The following PDSS2 variants were observed in gnomAD, a reference collection of about 807,000 sequenced individuals.
PDSS2 encodes decaprenyl diphosphate synthase subunit 2.
Under a neutral mutation model 44.5 loss-of-function variants are expected in PDSS2, and 31 were observed. That is an observed-to-expected ratio of 0.70 (90% CI 0.52 to 0.94). PDSS2 has a LOEUF of 0.94. PDSS2 is among the 40% of genes least tolerant of loss of function. The pLI is 0.00. For synonymous variants in PDSS2, 157 were observed against 180.3 expected (o/e 0.87, Z 1.03); for missense variants, 452 against 482.2 (o/e 0.94, Z 0.59).
At chr6:107,303,061 T>C (rs1363091387) in intron 2 of PDSS2, among the ~76,000 whole-genome samples, 2 of 152,174 alleles carry the variant, frequency 1.3e-5, no homozygotes, top group Non-Finnish European at 2.9e-5. Flanking sequence ...TTATAAAGAA[T>C]AGTTCATGGT....
At chr6:107,445,704 G>A (rs1453454228) in intron 1 of PDSS2, among the ~76,000 whole-genome samples, 3 of 152,160 alleles carry the variant, frequency 2.0e-5, no homozygotes, top group Admixed American at 6.5e-5. Context: ...CTTGAGAACT[G>A]ACGACGGCTT....
At chr6:107,412,233 CTTTTTTTT>C (rs1169549611) in intron 1 of PDSS2, among the ~76,000 whole-genome samples, 2 of 73,406 alleles carry the variant, frequency 2.7e-5, no homozygotes, top group African/African-American at 5.0e-5. Context: ...GTCCTTTGCT[CTTTTTTTT>C]TTTTTTTTTT....
At chr6:107,182,885 T>C (rs920749730) in intron 7 of PDSS2, among the ~76,000 whole-genome samples, 2 of 152,078 alleles carry the variant, frequency 1.3e-5, no homozygotes, top group African/African-American at 4.8e-5. Flanking sequence ...TTTAATCTGG[T>C]TTTAAGGAAA....
At chr6:107,318,549 T>C (rs190505093) in intron 2 of PDSS2, among the ~76,000 whole-genome samples, 3 of 152,240 alleles carry the variant, frequency 2.0e-5, no homozygotes, top group Admixed American at 1.3e-4. Flanking sequence ...ATTTTCCTTA[T>C]ATACCAAAAA....
At chr6:107,315,626 C>T (rs1349449487) in intron 2 of PDSS2, among the ~76,000 whole-genome samples, 1 of 152,158 alleles carries the variant, frequency 6.6e-6, no homozygotes, top group East Asian at 1.9e-4. Context: ...GAAAGCATAT[C>T]TCTGTACTTG....
chr6:107,174,648 T>A (rs1304321895), intron 7 of PDSS2, among the ~76,000 whole-genome samples: 1 of 152,064 alleles, frequency 6.6e-6, no homozygotes, highest in Non-Finnish European at 1.5e-5. Flanking sequence ...GCAAACAACA[T>A]AAAAGCATTC....
intron 1 of PDSS2, among the ~76,000 whole-genome samples, chr6:107,450,324 G>A (rs1469954012): frequency 6.6e-6 from 1 of 152,130 alleles, no homozygotes; most frequent in Non-Finnish European, 1.5e-5. Flanking sequence ...ATATGTAGAG[G>A]ATAAATTAAA....
At chr6:107,162,494 CAAAAAAA>C (rs374615595) in intron 7 of PDSS2, among the ~76,000 whole-genome samples, 1,828 of 58,616 alleles carry the variant, frequency 0.031, 44 homozygotes, top group African/African-American at 0.11. Flanking sequence ...GAGACCATCT[CAAAAAAA>C]AAAAAAAAAA....
At chr6:107,188,806 G>A (rs6902563) in intron 7 of PDSS2, among the ~76,000 whole-genome samples, 37,178 of 152,196 alleles carry the variant, frequency 0.24, 5,588 homozygotes, top group East Asian at 0.54. Context: ...CCTTTGCCAT[G>A]TGCCATGATT....
chr6:107,444,988 G>C (rs1251194200), intron 1 of PDSS2, among the ~76,000 whole-genome samples: 1 of 152,054 alleles, frequency 6.6e-6, no homozygotes, highest in African/African-American at 2.4e-5. Context: ...AATCTGTCAA[G>C]AGTAATCAAT....
At chr6:107,455,510 C>T (rs986877571) in intron 1 of PDSS2, among the ~76,000 whole-genome samples, 2 of 151,748 alleles carry the variant, frequency 1.3e-5, no homozygotes, top group South Asian at 2.1e-4. Context: ...AATTCCAATA[C>T]GTTGGGAGGC....
At chr6:107,198,809 C>CAACAACAAA (rs937591918) in intron 6 of PDSS2, among the ~76,000 whole-genome samples, 1 of 76,880 alleles carries the variant, frequency 1.3e-5, no homozygotes, top group Non-Finnish European at 2.8e-5. Flanking sequence ...ATAACAACAA[C>CAACAACAAA]AACAACAACA....
intron 2 of PDSS2, among the ~76,000 whole-genome samples, chr6:107,323,311 C>T (rs1477770504): frequency 6.6e-6 from 1 of 152,136 alleles, no homozygotes; most frequent in Non-Finnish European, 1.5e-5. Flanking sequence ...ATTTCTTATT[C>T]ATAAGAAATA....
intron 1 of PDSS2, among the ~76,000 whole-genome samples, chr6:107,456,318 T>C (rs1261238942): frequency 6.6e-6 from 1 of 152,158 alleles, no homozygotes. Flanking sequence ...TGAAACTCTG[T>C]CTGAAAATAA....
At chr6:107,376,294 TGAA>T (rs1221577427) in intron 1 of PDSS2, among the ~76,000 whole-genome samples, 1 of 151,924 alleles carries the variant, frequency 6.6e-6, no homozygotes, top group Non-Finnish European at 1.5e-5. Flanking sequence ...TCCAATTCTG[TGAA>T]GAAAGTCATT....
At chr6:107,283,049 T>C (rs62430068) in intron 2 of PDSS2, among the ~76,000 whole-genome samples, 26,077 of 151,554 alleles carry the variant, frequency 0.17, 2,427 homozygotes, top group South Asian at 0.2. Context: ...CTGGGTGTGG[T>C]GGCTCACACT....
At chr6:107,352,396 TAGA>T (rs1278820615) in intron 1 of PDSS2, among the ~76,000 whole-genome samples, 1 of 152,240 alleles carries the variant, frequency 6.6e-6, no homozygotes, top group Non-Finnish European at 1.5e-5. Context: ...CTAAACTCAG[TAGA>T]AGATTCTAAA....
chr6:107,158,503 T>C (rs2114255967), intron 7 of PDSS2, among the ~76,000 whole-genome samples: 1 of 152,126 alleles, frequency 6.6e-6, no homozygotes, highest in East Asian at 1.9e-4. Context: ...GGTTTTCTAA[T>C]GCCTTGTCCA....
At chr6:107,178,997 G>A (rs72937789) in intron 7 of PDSS2, among the ~76,000 whole-genome samples, 14,118 of 152,224 alleles carry the variant, frequency 0.093, 748 homozygotes, top group South Asian at 0.19. Flanking sequence ...CACAGAATTC[G>A]ATAGAACCAT....
Sources: allele counts gnomAD v4.1 joint callset (sites outside exome capture counted in the v4.1 genomes callset), GRCh38; gene constraint gnomAD v4.1.1; transcripts MANE v1.5; gene names NCBI Gene and HGNC (gene_info 2026-07-23, HGNC 2026-07-21).